EXOC6B: variants seen among roughly 807,000 people sequenced by gnomAD.
EXOC6B encodes the protein SEC15 homolog B.
In EXOC6B, 54 loss-of-function variants were observed where a neutral mutation model predicts 113.5. That is an observed-to-expected ratio of 0.48 (90% CI 0.38 to 0.60). EXOC6B has a LOEUF of 0.60. Ranked by LOEUF, EXOC6B falls within the 20% of genes least tolerant of loss-of-function variation. EXOC6B has a pLI of 0.00. For synonymous variants in EXOC6B, 357 were observed against 339.0 expected, an observed-to-expected ratio of 1.05 and a Z score of -0.58; for missense variants, 797 against 977.5, an observed-to-expected ratio of 0.82 and a Z score of 2.46.
intron 7 of EXOC6B, among the ~76,000 whole-genome samples, chr2:72,563,125 A>G (rs1703983313): frequency 6.6e-6 from 1 of 152,132 alleles, no homozygotes; most frequent in Admixed American, 6.5e-5. Context: ...AACTAAGAGA[A>G]CTAGGATACA....
intron 18 of EXOC6B, among the ~76,000 whole-genome samples, chr2:72,453,856 G>A (rs889920029): frequency 2.6e-5 from 4 of 152,130 alleles, no homozygotes; most frequent in African/African-American, 9.7e-5. Flanking sequence ...CTCAAGACTG[G>A]GTAATCTATA....
intron 6 of EXOC6B, among the ~76,000 whole-genome samples, chr2:72,684,319 C>A (rs1676933808): frequency 6.6e-6 from 1 of 152,116 alleles, no homozygotes; most frequent in African/African-American, 2.4e-5. Flanking sequence ...ACACTACACA[C>A]CCACCAGAAT....
intron 8 of EXOC6B, among the ~76,000 whole-genome samples, chr2:72,532,234 C>T (rs1282477169): frequency 1.3e-5 from 2 of 152,012 alleles, no homozygotes; most frequent in Non-Finnish European, 2.9e-5. Flanking sequence ...AAATGAATGG[C>T]CTCTAAACAC....
chr2:72,779,829 A>T (rs925556236), intron 1 of EXOC6B, among the ~76,000 whole-genome samples: 3 of 152,224 alleles, frequency 2.0e-5, no homozygotes, highest in African/African-American at 7.2e-5. Flanking sequence ...GATACAATAG[A>T]TGCCTAAAGT....
intron 20 of EXOC6B, among the ~76,000 whole-genome samples, chr2:72,186,417 C>A (rs1185557721): frequency 6.6e-6 from 1 of 152,088 alleles, no homozygotes; most frequent in Non-Finnish European, 1.5e-5. Flanking sequence ...CTGAGAGTAC[C>A]CCTTGTTCTA....
At chr2:72,450,042 G>A (rs930710561) in intron 18 of EXOC6B, among the ~76,000 whole-genome samples, 1 of 152,102 alleles carries the variant, frequency 6.6e-6, no homozygotes, top group African/African-American at 2.4e-5. Flanking sequence ...AAATTAATAA[G>A]GGTCAGGAAC....
Position 72,674,844 on chromosome 2 carries a change from T to C in EXOC6B, c.669+43259A>G, listed in dbSNP as rs866881132. On this transcript the variant is annotated intron_variant, in intron 6 of 21. Coordinates refer to ENST00000272427, the MANE Select transcript of EXOC6B (RefSeq NM_015189.3). ...ACTGACTGAAAAACATAAATAATGATAAATAGATAAACAGATAAATAGTGA... is the reference window on the plus strand; with the variant it reads ...ACTGACTGAAAAACATAAATAATGACAAATAGATAAACAGATAAATAGTGA... Among the ~76,000 whole-genome samples the C allele has an allele frequency of 8.5e-5, 13 of 152,078 alleles. 1 individual carries two copies. Among genetic ancestry groups the C allele is most frequent in the Middle Eastern group, 3.4e-3 (1 of 294 alleles).
chr2:72,450,572 T>C (rs1696853957), intron 18 of EXOC6B, among the ~76,000 whole-genome samples: 1 of 152,182 alleles, frequency 6.6e-6, no homozygotes, highest in Admixed American at 6.5e-5. Context: ...CATGGTTTGG[T>C]AGTTTTAGGT....
chr2:72,327,168 C>A (rs200778778), intron 20 of EXOC6B, among the ~76,000 whole-genome samples: 1 of 151,960 alleles, frequency 6.6e-6, no homozygotes, highest in East Asian at 1.9e-4. Context: ...GGGAACAACC[C>A]TCAAAGAGGT....
At chr2:72,519,690 C>T (rs1701390250) in intron 8 of EXOC6B, among the ~76,000 whole-genome samples, 1 of 152,096 alleles carries the variant, frequency 6.6e-6, no homozygotes, top group South Asian at 2.1e-4. Context: ...TAGAACATAA[C>T]TATCACGAAT....
At chr2:72,819,446 G>A (rs1031830657) in intron 1 of EXOC6B, among the ~76,000 whole-genome samples, 2 of 151,950 alleles carry the variant, frequency 1.3e-5, no homozygotes, top group Admixed American at 1.3e-4. Flanking sequence ...TGTCAAGGAC[G>A]GAGTATATCA....
chr2:72,612,131 C>G (rs373143935), intron 6 of EXOC6B, among the ~76,000 whole-genome samples: 1 of 151,946 alleles, frequency 6.6e-6, no homozygotes, highest in Non-Finnish European at 1.5e-5. Context: ...AAAAATTAGC[C>G]AGGCGTGGAG....
At chr2:72,789,635 C>T (rs1485047650) in intron 1 of EXOC6B, among the ~76,000 whole-genome samples, 3 of 152,256 alleles carry the variant, frequency 2.0e-5, no homozygotes, top group South Asian at 2.1e-4. Context: ...AATGTTCTAC[C>T]TTTCAGGCAG....
intron 7 of EXOC6B, among the ~76,000 whole-genome samples, chr2:72,563,864 A>T (rs1024958169): frequency 5.5e-4 from 83 of 152,182 alleles, no homozygotes; most frequent in Non-Finnish European, 9.4e-4. Context: ...TACATATTAA[A>T]AAAAGGATAT....
chr2:72,469,230 A>G (rs902501632), intron 17 of EXOC6B, among the ~76,000 whole-genome samples: 1 of 152,102 alleles, frequency 6.6e-6, no homozygotes, highest in Admixed American at 6.5e-5. Context: ...AAATTTACTG[A>G]ATTCCACCTA....
intron 20 of EXOC6B, among the ~76,000 whole-genome samples, chr2:72,274,693 GATC>G (rs1403077087): frequency 6.6e-6 from 1 of 152,068 alleles, no homozygotes; most frequent in African/African-American, 2.4e-5. Flanking sequence ...TGAACAATTA[GATC>G]ATTCCAATCT....
chr2:72,438,663 A>G (rs1264948256), intron 18 of EXOC6B, among the ~76,000 whole-genome samples: 2 of 152,188 alleles, frequency 1.3e-5, no homozygotes, highest in Non-Finnish European at 2.9e-5. Context: ...CATATAGACC[A>G]GTATATTTCA....
At chr2:72,385,735 A>G (rs1691979543) in intron 18 of EXOC6B, among the ~76,000 whole-genome samples, 2 of 152,160 alleles carry the variant, frequency 1.3e-5, no homozygotes, top group Admixed American at 1.3e-4. Flanking sequence ...AAGACACATG[A>G]ATAGCCAAGA....
intron 6 of EXOC6B, among the ~76,000 whole-genome samples, chr2:72,705,061 T>C (rs1678749484): frequency 6.6e-6 from 1 of 151,328 alleles, no homozygotes. Flanking sequence ...TTGATGAACA[T>C]TGATGCAAAA....
Sources: gnomAD v4.1 joint callset for allele counts (sites outside exome capture counted in the v4.1 genomes callset) on GRCh38, gnomAD v4.1.1 for gene constraint, MANE v1.5 for transcripts, NCBI Gene and HGNC (gene_info 2026-07-23, HGNC 2026-07-21) for gene names.